CELSR3: variants seen among roughly 807,000 people sequenced by gnomAD.
The protein encoded by CELSR3 is EGF-like protein 1.
CELSR3 carries 73 observed loss-of-function variants against 270.0 expected under a neutral mutation model. The ratio of observed to expected loss-of-function variants is 0.27; its 90% confidence interval spans 0.22 to 0.33. CELSR3 has a LOEUF of 0.33. CELSR3 is among the 10% of genes least tolerant of loss of function. CELSR3 has a pLI of 1.00. For missense variants in CELSR3, 3,614 were observed against 4,533.8 expected (o/e 0.80, Z 5.83); for synonymous variants, 1,780 against 1,905.4 (o/e 0.93, Z 1.71).
Position 48,645,249 on chromosome 3 carries a change from C to G in CELSR3, c.7798-40G>C. 6.4e-7 allele frequency: 1 copy of G among 1,552,926 alleles called. No individual in the cohort carries two copies. Among genetic ancestry groups the G allele is most frequent in the Non-Finnish European group, 8.7e-7 (1 of 1,143,552 alleles). ...GCGTGTCAGGACCTCTCCTGCCTCACCCACCTCTGACCCCTACCCCAGGCA... is the reference window on the plus strand; with the variant it reads ...GCGTGTCAGGACCTCTCCTGCCTCAGCCACCTCTGACCCCTACCCCAGGCA... On this transcript the variant is annotated intron_variant, in intron 24 of 34. Transcript: ENST00000164024. The surrounding 1 kb of genome is among the most constrained non-coding windows in gnomAD (Gnocchi z 5.4).
Position 48,654,104 on chromosome 3 carries a change from C to A in CELSR3, c.5153-101G>T. ...CAGAGGGGCTGAAAGAGACCAAGAT[C>A]TCAGCCCCATTTCCCATTTTCTTTC... On this transcript the variant is annotated intron_variant, in intron 7 of 34. Coordinates refer to ENST00000164024, the MANE Select transcript of CELSR3 (RefSeq NM_001407.3). The surrounding 1 kb of genome is among the most constrained non-coding windows in gnomAD (Gnocchi z 5.4). 2 of 1,534,230 alleles carry A rather than the reference C, an allele frequency of 1.3e-6. No individual in the cohort carries two copies. Among genetic ancestry groups the A allele is most frequent in the Non-Finnish European group, 1.8e-6 (2 of 1,132,328 alleles).
At position 48,659,857 on chromosome 3, in the gene CELSR3, G is replaced by T; in HGVS notation, c.2778C>A (p.Thr926=). 1 of 1,614,210 alleles carries T rather than the reference G, an allele frequency of 6.2e-7. No individual in the cohort carries two copies. The highest frequency in any genetic ancestry group is 1.6e-4 in the Middle Eastern group (1 of 6,062). ...CCCGAGCTGTGATAGCCAGGGTGTA[G>T]GTCACCTGGTCCTCATAGTCTAATG... ...QAPLDYEDQV[T]YTLAITARDN... is the part of the protein sequence containing the mutation. Residue 926 remains threonine, a synonymous_variant, in exon 1 of 35, where the codon ACC becomes ACA. Transcript: ENST00000164024. The surrounding 1 kb of genome is among the most constrained non-coding windows in gnomAD (Gnocchi z 8.1).
In CELSR3 at chr3:48,642,293, A is replaced by C; in HGVS notation, c.8665+65T>G. 6.6e-7 allele frequency: 1 copy of C among 1,515,434 alleles called. No homozygotes were observed. Among genetic ancestry groups the C allele is most frequent in the Non-Finnish European group, 9.0e-7 (1 of 1,112,398 alleles). The allele number at this position is 1,515,434 out of a possible 1,614,324, so 93.9% of individuals were successfully genotyped here. On this transcript the variant is annotated intron_variant, in intron 31 of 34. Transcript: ENST00000164024. The surrounding 1 kb of genome is among the most constrained non-coding windows in gnomAD (Gnocchi z 6.1). ...TCAGCCACTGCTCCCAGTATGGGGT[A>C]GAAGAAAAGGGGATGGGGAGAGATC...
chr3:48,657,359 G>T lies in CELSR3; in HGVS notation c.3749-11C>A. On this transcript the variant is annotated splice_polypyrimidine_tract_variant and intron_variant, in intron 1 of 34. Coordinates refer to ENST00000164024, the MANE Select transcript of CELSR3 (RefSeq NM_001407.3). The surrounding 1 kb of genome is among the most constrained non-coding windows in gnomAD (Gnocchi z 5.4). ...CGCTGTGCAGGCCATCTGCAGGCGG[G>T]GGCAGGGGCAGTGGTCATCCTGGGG... is the stretch of plus-strand genomic sequence containing the variant. The T allele has an allele frequency of 6.4e-7, 1 of 1,571,088 alleles. No homozygotes were observed.
Position 48,640,483 on chromosome 3 carries a change from T to C in CELSR3, c.9102A>G (p.Ala3034=), listed in dbSNP as rs1364916903. The C allele has an allele frequency of 1.2e-6, 2 of 1,611,980 alleles. No individual in the cohort carries two copies. The highest frequency in any genetic ancestry group is 3.3e-5 in the Admixed American group (2 of 59,978). Residue 3034 remains alanine, a synonymous_variant, in exon 34 of 35, where the codon GCA becomes GCG. Transcript: ENST00000164024. This position sits in a 1 kb window ranked among gnomAD's most constrained non-coding sequence, Gnocchi z 7.5. ...RGAPELSWCR[A]ATLGHRAVPA... ...GCACAGCACGGTGGCCCAAGGTGGCTGCACGGCACCAGGACAGCTCAGGGG... is the reference window on the plus strand; with the variant it reads ...GCACAGCACGGTGGCCCAAGGTGGCCGCACGGCACCAGGACAGCTCAGGGG...
Position 48,653,977 on chromosome 3 carries a change from C to A in CELSR3, c.5179G>T (p.Asp1727Tyr). Reference protein sequence around the residue: ...AGCQAKLHFCDSGPCKNSGFC... With the variant: ...AGCQAKLHFCYSGPCKNSGFC... The stretch of plus-strand genomic sequence containing the variant: ...CCACTGTTCTTGCAGGGGCCTGAGT[C>A]ACAAAAGTGTAGCTTGGCTTGGCAG... The change falls in exon 8 of 35, where the codon GAC becomes TAC. Residue 1727 changes from aspartate (D) to tyrosine (Y), a missense_variant. By Grantham distance (160) the Asp-to-Tyr change is radical. Transcript: ENST00000164024. The surrounding 1 kb of genome is among the most constrained non-coding windows in gnomAD (Gnocchi z 6.5). The A allele has an allele frequency of 6.2e-7, 1 of 1,613,358 alleles. No homozygotes were observed. Among genetic ancestry groups the A allele is most frequent in the Non-Finnish European group, 8.5e-7 (1 of 1,179,848 alleles).
At position 48,652,462 on chromosome 3, in the gene CELSR3, G is replaced by A; in HGVS notation, c.5726C>T (p.Pro1909Leu). The A allele has an allele frequency of 6.2e-7, 1 of 1,613,840 alleles. No homozygotes were observed. Residue 1909 changes from proline (P) to leucine (L), a missense_variant, in exon 11 of 35, where the codon CCT (proline) becomes CTT (leucine). Coordinates refer to ENST00000164024, the MANE Select transcript of CELSR3 (RefSeq NM_001407.3). This position sits in a 1 kb window ranked among gnomAD's most constrained non-coding sequence, Gnocchi z 4.3. ...CTGGATGCAGCCAACCAGACCCTGA[G>A]GAGCCTCCTCTGCACTGCCGGGGGG... ...GLPPGSAEEA[P>L]QGLVGCIQGV...
At position 48,659,547 on chromosome 3, in the gene CELSR3, C is replaced by G; in HGVS notation, c.3088G>C (p.Val1030Leu). The change falls in exon 1 of 35, where the codon GTA becomes CTA. Residue 1030 changes from valine (V) to leucine (L), a missense_variant. Physicochemically the swap from Val to Leu is conservative, Grantham distance 32. Around this residue, in one of 7 missense-constraint regions of CELSR3, gnomAD observed 1,331 missense variants for 1,933.7 expected, o/e 0.69. Transcript: ENST00000164024. The surrounding 1 kb of genome is among the most constrained non-coding windows in gnomAD (Gnocchi z 8.1). ...RTVRRLDREAVSVYELTAYAV... is the reference protein window; with the variant it reads ...RTVRRLDREALSVYELTAYAV... ...TAGGCAGTCAACTCATACACTGATACTGCCTCCCGGTCTAGCCGCCTTACT... is the reference window on the plus strand; with the variant it reads ...TAGGCAGTCAACTCATACACTGATAGTGCCTCCCGGTCTAGCCGCCTTACT... 3 of 1,614,214 alleles carry G rather than the reference C, an allele frequency of 1.9e-6. No homozygotes were observed. The highest frequency in any genetic ancestry group is 2.5e-6 in the Non-Finnish European group (3 of 1,180,038).
chr3:48,644,351 A>G lies in CELSR3; in HGVS notation c.8086-56T>C. ...GCAGGGCAGAGAGAGAGAGAGAGAG[A>G]GAGGCAATGAGAGACAGAGAGAGAC... On this transcript the variant is annotated intron_variant, in intron 26 of 34. Coordinates refer to ENST00000164024, the MANE Select transcript of CELSR3 (RefSeq NM_001407.3). This position sits in a 1 kb window ranked among gnomAD's most constrained non-coding sequence, Gnocchi z 4.8. The G allele has an allele frequency of 1.4e-6, 2 of 1,454,446 alleles. No homozygotes were observed. The highest frequency in any genetic ancestry group is 1.9e-6 in the Non-Finnish European group (2 of 1,038,416). 90.1% of individuals were successfully genotyped at this position (1,454,446 alleles called of 1,614,324 possible). A position where few individuals can be genotyped will look rare whatever the true frequency, so the allele number is the denominator to read the frequency against.
intron 34 of CELSR3, among the ~76,000 whole-genome samples, 176 bp from the exon 35 acceptor site, chr3:48,638,408 G>A (rs1488912875): frequency 1.3e-5 from 2 of 152,034 alleles, no homozygotes; most frequent in Non-Finnish European, 2.9e-5. Context: ...TCCATTCCGC[G>A]CCCCTAGACT....
At position 48,650,497 on chromosome 3, in the gene CELSR3, C is replaced by A; in HGVS notation, c.6455G>T (p.Cys2152Phe). ...TKFGVLATVP[C>F]PRGALGAAVR... ...ATACTCACCCAGGGCCCCCCGGGGACAGGGCACTGTGGCCAGGACGCCAAA... is the reference window on the plus strand; with the variant it reads ...ATACTCACCCAGGGCCCCCCGGGGAAAGGGCACTGTGGCCAGGACGCCAAA... The change falls in exon 16 of 35, where the codon TGT becomes TTT. Residue 2152 changes from cysteine to phenylalanine, a missense_variant. Cys to Phe is a radical substitution (Grantham distance 205). This residue lies in a region of CELSR3 where 1,331 missense variants were observed against 1,933.7 expected (regional missense o/e 0.69). Transcript: ENST00000164024. This position sits in a 1 kb window ranked among gnomAD's most constrained non-coding sequence, Gnocchi z 5.1. 1 of 1,603,194 alleles carries A rather than the reference C, an allele frequency of 6.2e-7. No homozygotes were observed. The highest frequency in any genetic ancestry group is 8.5e-7 in the Non-Finnish European group (1 of 1,174,490).
chr3:48,643,186 G>A (rs1433994383), intron 28 of CELSR3, 103 bp from the exon 29 acceptor site: 2 of 774,596 alleles, frequency 2.6e-6, no homozygotes, highest in African/African-American at 1.7e-5. Flanking sequence ...AGGCTAGTGT[G>A]GGTCAGTGAG....
chr3:48,642,197 TG>T lies in CELSR3; in HGVS notation c.8665+160del. On this transcript the variant is annotated intron_variant, in intron 31 of 34. Coordinates refer to ENST00000164024, the MANE Select transcript of CELSR3 (RefSeq NM_001407.3). This position sits in a 1 kb window ranked among gnomAD's most constrained non-coding sequence, Gnocchi z 6.1. ...AGGGAAGGACGAATCAGGAGTGGAC[TG>T]GGAGAACCAGGGCTGGAGAGGTAGG... 1 of 887,238 alleles carries T rather than the reference TG, an allele frequency of 1.1e-6. No individual in the cohort carries two copies. The highest frequency in any genetic ancestry group is 1.7e-6 in the Non-Finnish European group (1 of 596,894). 55.0% of individuals were successfully genotyped at this position (887,238 alleles called of 1,614,324 possible).
In CELSR3 at chr3:48,641,507, G is replaced by A. The variant is rs764362737; in HGVS notation, c.8842C>T (p.Leu2948Phe). The change falls in exon 33 of 35, where the codon CTC becomes TTC. Residue 2948 changes from leucine (L) to phenylalanine (F), a missense_variant. This residue lies in a region of CELSR3 where 1,240 missense variants were observed against 1,351.7 expected (regional missense o/e 0.92). Coordinates refer to ENST00000164024, the MANE Select transcript of CELSR3 (RefSeq NM_001407.3). The surrounding 1 kb of genome is among the most constrained non-coding windows in gnomAD (Gnocchi z 4.8). The part of the protein sequence containing the change: ...THPKDVDGND[L>F]LSYWPALGEC... ...CCCAGGGCTGGCCAGTAGGACAGGA[G>A]GTCATTGCCATCCACATCTGTGGAG... is the stretch of plus-strand genomic sequence containing the variant. 6.2e-7 allele frequency: 1 copy of A among 1,611,966 alleles called. No individual in the cohort carries two copies. Among genetic ancestry groups the A allele is most frequent in the Non-Finnish European group, 8.5e-7 (1 of 1,179,516 alleles).
rs1200971154 is a variant in CELSR3 at position 48,639,033 on chromosome 3, C to A, written c.9911+641G>T. Among the ~76,000 whole-genome samples the A allele has an allele frequency of 6.6e-6, 1 of 152,098 alleles. No individual in the cohort carries two copies. The highest frequency in any genetic ancestry group is 1.5e-5 in the Non-Finnish European group (1 of 68,014). ...TTCCTCCCCACTCCCACCAGTCCCT[C>A]TCGGACTCCTGTGTATCCAGCTATT... On this transcript the variant is annotated intron_variant, in intron 34 of 34. Transcript: ENST00000164024. The surrounding 1 kb of genome is among the most constrained non-coding windows in gnomAD (Gnocchi z 4.1).
Position 48,641,264 on chromosome 3 carries a change from C to A in CELSR3, c.9025+60G>T, listed in dbSNP as rs1219322721. 8.7e-7 allele frequency: 1 copy of A among 1,155,606 alleles called. No homozygotes were observed. The highest frequency in any genetic ancestry group is 1.3e-6 in the Non-Finnish European group (1 of 773,432). 71.6% of individuals were successfully genotyped at this position (1,155,606 alleles called of 1,614,324 possible). A position where few individuals can be genotyped will look rare whatever the true frequency, so the allele number is the denominator to read the frequency against. ...GGATGAGGAAGCTGCAATCCCTTGG[C>A]TCAGGGCATGAGCAGCCCCCAGCGT... On this transcript the variant is annotated intron_variant, in intron 33 of 34. Coordinates refer to ENST00000164024, the MANE Select transcript of CELSR3 (RefSeq NM_001407.3). This position sits in a 1 kb window ranked among gnomAD's most constrained non-coding sequence, Gnocchi z 4.8.
rs1439758557 is a variant in CELSR3, at chr3:48,645,628, G to C, written c.7612C>G (p.Leu2538Val). 6.2e-7 allele frequency: 1 copy of C among 1,609,808 alleles called. No individual in the cohort carries two copies. The highest frequency in any genetic ancestry group is 1.7e-5 in the Admixed American group (1 of 59,980). The change falls in exon 24 of 35, where the codon CTG (leucine) becomes GTG (valine). Residue 2538 changes from leucine to valine, a missense_variant. Leu to Val is a conservative substitution (Grantham distance 32). Around this residue, in one of 7 missense-constraint regions of CELSR3, gnomAD observed 1,240 missense variants for 1,351.7 expected, o/e 0.92. Transcript: ENST00000164024. The surrounding 1 kb of genome is among the most constrained non-coding windows in gnomAD (Gnocchi z 5.4). Reference protein sequence around the residue: ...PRERLEGDLELLAVFTHVVVA... With the variant: ...PRERLEGDLEVLAVFTHVVVA... ...ACCACGTGGGTGAACACAGCCAGCA[G>C]CTCCAGGTCGCCCTCCAGCCTCTAC...
chr3:48,641,046 A>C lies in CELSR3; in HGVS notation c.9025+278T>G. On this transcript the variant is annotated intron_variant, in intron 33 of 34. Transcript: ENST00000164024. This position sits in a 1 kb window ranked among gnomAD's most constrained non-coding sequence, Gnocchi z 4.8. Reference sequence around the variant, plus strand: ...GGGATCTGGGTGGGGGGCAGGGGGAAGCAGCTCCTAGGGTCTCTGAAAAAC... The same window carrying C: ...GGGATCTGGGTGGGGGGCAGGGGGACGCAGCTCCTAGGGTCTCTGAAAAAC... 2 of 463,138 alleles carry C rather than the reference A, an allele frequency of 4.3e-6. No homozygotes were observed. Among genetic ancestry groups the C allele is most frequent in the Non-Finnish European group, 7.7e-6 (2 of 260,042 alleles). The allele number at this position is 463,138 out of a possible 1,614,324, so 28.7% of individuals were successfully genotyped here. A position where few individuals can be genotyped will look rare whatever the true frequency, so the allele number is the denominator to read the frequency against.
In CELSR3 at chr3:48,662,762, C is replaced by G; in HGVS notation, c.-128G>C. 1 of 331,762 alleles carries G rather than the reference C, an allele frequency of 3.0e-6. No homozygotes were observed. Among genetic ancestry groups the G allele is most frequent in the East Asian group, 5.2e-5 (1 of 19,374 alleles). The allele number at this position is 331,762 out of a possible 1,614,324, so 20.6% of individuals were successfully genotyped here. ...GCCCCCGCCCCTCCGCCTGTCTCTC[C>G]GCACCCCCGCCGCCCTCTGGGCACC... On this transcript the variant is annotated 5_prime_UTR_variant, in exon 1 of 35. Coordinates refer to ENST00000164024, the MANE Select transcript of CELSR3 (RefSeq NM_001407.3). This position sits in a 1 kb window ranked among gnomAD's most constrained non-coding sequence, Gnocchi z 7.1.
Sources: allele counts gnomAD v4.1 joint callset (sites outside exome capture counted in the v4.1 genomes callset), GRCh38; gene constraint gnomAD v4.1.1; regional missense constraint gnomAD v4.1.1; non-coding constraint Gnocchi (gnomAD v3.1); transcripts MANE v1.5; gene names NCBI Gene and HGNC (gene_info 2026-07-23, HGNC 2026-07-21).